The following FAT1 variants were observed in gnomAD, a reference collection of about 807,000 sequenced individuals.
The protein encoded by FAT1 is protocadherin Fat 1.
Under a neutral mutation model 329.8 loss-of-function variants are expected in FAT1, and 171 were observed. The observed-to-expected ratio is 0.52, with a 90% CI of 0.46 to 0.59. The LOEUF (loss-of-function observed/expected upper bound fraction) is 0.59, where lower values mean the gene tolerates loss of function less well. Ranked by LOEUF, FAT1 falls within the 20% of genes least tolerant of loss-of-function variation. The pLI is 0.00. For missense variants in FAT1, 5,672 were observed against 5,774.4 expected (o/e 0.98, Z 0.57); for synonymous variants, 2,233 against 2,228.6 (o/e 1.00, Z -0.06).
intron 3 of FAT1, among the ~76,000 whole-genome samples, chr4:186,660,794 A>G (rs1217457114): frequency 1.3e-5 from 2 of 152,212 alleles, no homozygotes; most frequent in Non-Finnish European, 2.9e-5. Flanking sequence ...ACCATAGCAG[A>G]CACATCATCA....
At chr4:186,657,181 C>G (rs971426985) in intron 3 of FAT1, among the ~76,000 whole-genome samples, 19 of 152,186 alleles carry the variant, frequency 1.2e-4, no homozygotes, top group African/African-American at 4.6e-4. Context: ...AAGGCTTGTA[C>G]TCAATGTTCA....
chr4:186,702,647 T>A (rs1488122191), intron 2 of FAT1, among the ~76,000 whole-genome samples: 6 of 152,232 alleles, frequency 3.9e-5, no homozygotes, highest in Admixed American at 1.3e-4. Context: ...AACAAAAAGC[T>A]GCAGCATTTC....
chr4:186,703,234 A>T (rs1744410659), intron 2 of FAT1, among the ~76,000 whole-genome samples: 1 of 152,206 alleles, frequency 6.6e-6, no homozygotes, highest in African/African-American at 2.4e-5. Flanking sequence ...TTTGCAGAAC[A>T]TGTACAAACC....
At chr4:186,610,637 T>TTTATATAAATATAAA (rs1739374950) in intron 14 of FAT1, among the ~76,000 whole-genome samples, 1 of 112,156 alleles carries the variant, frequency 8.9e-6, no homozygotes, top group East Asian at 3.3e-4. Flanking sequence ...AATTATATAA[T>TTTATATAAATATAAA]TTATATAATT....
In FAT1 at chr4:186,589,170, T is replaced by G. The variant is rs535317218; in HGVS notation, c.13189A>C (p.Ile4397Leu). ...DWMPSVPLPD[I>L]QEFPNYEVID... ...ACCTCATAGTTGGGGAACTCTTGTA[T>G]GTCCGGCAGAGGAACGCTTGGCATC... Residue 4397 changes from isoleucine (I) to leucine (L), a missense_variant, in exon 27 of 27, where the codon ATA becomes CTA. Physicochemically the swap from Ile to Leu is conservative, Grantham distance 5. Coordinates refer to ENST00000441802, the MANE Select transcript of FAT1 (RefSeq NM_005245.4). 6.2e-5 allele frequency: 100 copies of G among 1,613,766 alleles called. 1 individual carries two copies. The South Asian group carries it at 1.0e-3, about 17-fold the overall frequency.
chr4:186,655,537 C>T (rs1275523061), intron 3 of FAT1, among the ~76,000 whole-genome samples: 1 of 151,744 alleles, frequency 6.6e-6, no homozygotes, highest in Admixed American at 6.6e-5. Flanking sequence ...TGGGTTCAAG[C>T]TATTCTCATG....
At chr4:186,597,219 G>C (rs2126396693) in intron 24 of FAT1, 48 bp from the exon 25 acceptor site, 1 of 1,501,674 alleles carries the variant, frequency 6.7e-7, no homozygotes, top group Non-Finnish European at 8.9e-7. Context: ...GCATACGCCA[G>C]CGTATGTCAG....
At chr4:186,637,988 G>C (rs542710847) in intron 4 of FAT1, among the ~76,000 whole-genome samples, 23 of 152,236 alleles carry the variant, frequency 1.5e-4, no homozygotes. Context: ...ATGAGCTTTA[G>C]AAAAACAAGA....
intron 4 of FAT1, among the ~76,000 whole-genome samples, chr4:186,637,266 A>G (rs1011030139): frequency 1.3e-5 from 2 of 152,364 alleles, no homozygotes; most frequent in African/African-American, 4.8e-5. Flanking sequence ...GCCATGGAAG[A>G]GATACGTGAA....
intron 9 of FAT1, among the ~76,000 whole-genome samples, chr4:186,626,538 G>A (rs368513926): frequency 0.016 from 2,189 of 135,192 alleles, 25 homozygotes; most frequent in South Asian, 0.03. Context: ...GACCAACATG[G>A]CACCTGGCAC....
Position 186,706,849 on chromosome 4 carries a change from C to A in FAT1, c.2979G>T (p.Lys993Asn), listed in dbSNP as rs1397804525. ...VRIVQQLDFE[K>N]KQVYNLTVRA... is the part of the protein sequence containing the mutation. ...TCACAGTGAGATTATACACTTGCTT[C>A]TTCTCAAAGTCCAACTGCTGGACGA... Residue 993 changes from lysine (K) to asparagine (N), a missense_variant, in exon 2 of 27, where the codon AAG becomes AAT. By Grantham distance (94) the Lys-to-Asn change is moderately conservative. Around this residue, in one of 2 missense-constraint regions of FAT1, gnomAD observed 3,966 missense variants for 3,915.2 expected, o/e 1.01. Coordinates refer to ENST00000441802, the MANE Select transcript of FAT1 (RefSeq NM_005245.4). 4 of 1,613,968 alleles carry A rather than the reference C, an allele frequency of 2.5e-6. No homozygotes were observed. The Admixed American group carries it at 6.7e-5, about 27-fold the overall frequency.
intron 26 of FAT1, chr4:186,590,463 AG>A: frequency 8.7e-7 from 1 of 1,151,880 alleles, no homozygotes. Context: ...TCGGCTGAAA[AG>A]GCAATAAAGG....
At position 186,708,039 on chromosome 4, in the gene FAT1, C is replaced by G. The variant is rs373653016; in HGVS notation, c.1789G>C (p.Asp597His). The change falls in exon 2 of 27, where the codon GAT becomes CAT. Residue 597 changes from aspartate (D) to histidine (H), a missense_variant. Transcript: ENST00000441802. Reference sequence around the variant, plus strand: ...TGATACTGTACCAACTGAAGTTCATCTGCATCAATAGCAGAAACAGTGGTT... The same window carrying G: ...TGATACTGTACCAACTGAAGTTCATGTGCATCAATAGCAGAAACAGTGGTT... ...QITTVSAIDADELQLVQYQIE... is the reference protein window; with the variant it reads ...QITTVSAIDAHELQLVQYQIE... The G allele has an allele frequency of 3.0e-5, 49 of 1,613,866 alleles. 1 individual carries two copies. The highest frequency in any genetic ancestry group is 3.9e-5 in the Non-Finnish European group (46 of 1,179,898).
chr4:186,607,863 C>T (rs932551633), intron 16 of FAT1, among the ~76,000 whole-genome samples: 2 of 152,048 alleles, frequency 1.3e-5, no homozygotes, highest in African/African-American at 4.8e-5. Flanking sequence ...TCATATTTAT[C>T]TCAATCCCTC....
intron 4 of FAT1, among the ~76,000 whole-genome samples, 190 bp from the exon 5 acceptor site, chr4:186,637,104 A>C (rs1740868427): frequency 6.6e-6 from 1 of 152,106 alleles, no homozygotes. Context: ...CCATCTCTAC[A>C]GGGAGAGAGT....
intron 2 of FAT1, among the ~76,000 whole-genome samples, chr4:186,664,976 ATTAAC>A (rs1742361132): frequency 1.3e-5 from 2 of 152,246 alleles, no homozygotes; most frequent in African/African-American, 4.8e-5. Context: ...GAAATTAAAT[ATTAAC>A]TTATTCGAGG....
chr4:186,620,935 TATA>T lies in FAT1; in HGVS notation c.5648_5650del (p.Leu1883del). On this transcript the variant is annotated inframe_deletion, in exon 10 of 27. Transcript: ENST00000441802. ...TGTTGGTAACAAAAGAGATGCTTCA[TATA>T]ATGGCTTGGCAAACACAGGGGGGCA... 1 of 1,614,034 alleles carries T rather than the reference TATA, an allele frequency of 6.2e-7. No individual in the cohort carries two copies. The highest frequency in any genetic ancestry group is 2.2e-5 in the East Asian group (1 of 44,886).
At position 186,723,837 on chromosome 4, in the gene FAT1, G is replaced by C. The variant is rs1266997326; in HGVS notation, c.-192C>G. On this transcript the variant is annotated 5_prime_UTR_variant, in exon 1 of 27. Coordinates refer to ENST00000441802, the MANE Select transcript of FAT1 (RefSeq NM_005245.4). ...CTCCCCGCGCCCGGCCGCCCAGCTC[G>C]GCGCCGGCGCCTCACGCTCCCCGAG... 3 of 148,792 alleles carry C rather than the reference G, an allele frequency of 2.0e-5. No individual in the cohort carries two copies. The highest frequency in any genetic ancestry group is 4.5e-5 in the Non-Finnish European group (3 of 67,266). The allele number at this position is 148,792 out of a possible 1,614,324, so 9.2% of individuals were successfully genotyped here.
chr4:186,627,511 C>T (rs979227417), intron 9 of FAT1, among the ~76,000 whole-genome samples: 14 of 151,744 alleles, frequency 9.2e-5, no homozygotes, highest in African/African-American at 2.7e-4. Flanking sequence ...CGTCCAGGAC[C>T]GCAGCTCCAG....
Sources: allele counts gnomAD v4.1 joint callset (sites outside exome capture counted in the v4.1 genomes callset), GRCh38; gene constraint gnomAD v4.1.1; regional missense constraint gnomAD v4.1.1; transcripts MANE v1.5; gene names NCBI Gene and HGNC (gene_info 2026-07-23, HGNC 2026-07-21).